LMNB1: variants seen among roughly 807,000 people sequenced by gnomAD.
LMNB1 encodes lamin B1, also known as lamin-B1.
A neutral mutation model predicts 67.1 loss-of-function variants in LMNB1; 23 were observed. The ratio of observed to expected loss-of-function variants is 0.34; its 90% confidence interval spans 0.25 to 0.49. LMNB1 has a LOEUF of 0.49. Ranked by LOEUF, LMNB1 falls within the 20% of genes least tolerant of loss-of-function variation. LMNB1 has a pLI of 0.99. For synonymous variants in LMNB1, 281 were observed against 282.9 expected, an observed-to-expected ratio of 0.99 and a Z score of 0.07; for missense variants, 634 against 746.5, an observed-to-expected ratio of 0.85 and a Z score of 1.76.
At chr5:126,795,680 A>G (rs964025306) in intron 1 of LMNB1, among the ~76,000 whole-genome samples, 2 of 152,026 alleles carry the variant, frequency 1.3e-5, no homozygotes, top group African/African-American at 4.8e-5. Context: ...CTGGAGTGCA[A>G]TGGTGCAATC....
At chr5:126,795,130 C>CTTTTTTTTTTT (rs55837872) in intron 1 of LMNB1, among the ~76,000 whole-genome samples, 5 of 128,942 alleles carry the variant, frequency 3.9e-5, no homozygotes, top group Non-Finnish European at 7.9e-5. Context: ...ATTCCTTTTC[C>CTTTTTTTTTTT]TTTTTTTTTT....
chr5:126,794,357 A>T (rs13176752), intron 1 of LMNB1, among the ~76,000 whole-genome samples: 4,078 of 152,326 alleles, frequency 0.027, 92 homozygotes, highest in Admixed American at 0.043. Flanking sequence ...GTTGAAGCTG[A>T]TGAGTGGCTG....
At chr5:126,828,968 T>G (rs1004526972) in intron 9 of LMNB1, among the ~76,000 whole-genome samples, 8 of 152,158 alleles carry the variant, frequency 5.3e-5, no homozygotes, top group African/African-American at 1.9e-4. Flanking sequence ...AATACAGGTC[T>G]TATTTCACTA....
At chr5:126,790,885 G>T (rs986690959) in intron 1 of LMNB1, among the ~76,000 whole-genome samples, 2 of 151,946 alleles carry the variant, frequency 1.3e-5, no homozygotes, top group Non-Finnish European at 2.9e-5. Context: ...AGCCGGTGTG[G>T]TGGTGGGTGC....
intron 1 of LMNB1, among the ~76,000 whole-genome samples, chr5:126,797,862 G>A (rs1751143480): frequency 6.6e-6 from 1 of 151,946 alleles, no homozygotes; most frequent in African/African-American, 2.4e-5. Flanking sequence ...GGTCACTTGA[G>A]CCCAGGAGTT....
chr5:126,778,278 G>A (rs1024408791), intron 1 of LMNB1, among the ~76,000 whole-genome samples: 1 of 152,094 alleles, frequency 6.6e-6, no homozygotes, highest in Non-Finnish European at 1.5e-5. Context: ...TCCGGCCGGC[G>A]CGAGACAAAG....
At chr5:126,833,079 A>G (rs984021821) in intron 10 of LMNB1, among the ~76,000 whole-genome samples, 3 of 152,206 alleles carry the variant, frequency 2.0e-5, no homozygotes, top group Non-Finnish European at 4.4e-5. Flanking sequence ...AAACATGTCT[A>G]TGGATTGGAT....
At chr5:126,802,548 A>G (rs908162746) in intron 1 of LMNB1, among the ~76,000 whole-genome samples, 7 of 152,094 alleles carry the variant, frequency 4.6e-5, no homozygotes, top group Non-Finnish European at 8.8e-5. Flanking sequence ...GGTTCAGGCA[A>G]TTCTCCTGCC....
intron 1 of LMNB1, among the ~76,000 whole-genome samples, chr5:126,787,273 G>C (rs569233754): frequency 6.6e-6 from 1 of 151,900 alleles, no homozygotes; most frequent in African/African-American, 2.4e-5. Context: ...GCTAGGAGCC[G>C]TGTGAAATTT....
chr5:126,806,603 A>C (rs1423648061), intron 3 of LMNB1, among the ~76,000 whole-genome samples: 1 of 148,956 alleles, frequency 6.7e-6, no homozygotes. Flanking sequence ...GTGATGAGAA[A>C]GAGAGAGAGA....
intron 1 of LMNB1, among the ~76,000 whole-genome samples, chr5:126,787,479 ACT>A (rs371564161): frequency 6.1e-4 from 88 of 143,574 alleles, no homozygotes; most frequent in Admixed American, 7.2e-4. Context: ...TGTATATGTT[ACT>A]TATATATGAA....
At chr5:126,823,804 G>A (rs1267072269) in intron 8 of LMNB1, among the ~76,000 whole-genome samples, 1 of 152,102 alleles carries the variant, frequency 6.6e-6, no homozygotes, top group South Asian at 2.1e-4. Flanking sequence ...GGGTAAAAAT[G>A]GGATCAACTA....
In LMNB1 at chr5:126,821,496, G is replaced by A. The variant is rs192698012; in HGVS notation, c.1386+361G>A. ...GGATGAAAATGGTGGATATTCTTTC[G>A]GTCATTAACTTAATAAAAAGCTTAC... On this transcript the variant is annotated intron_variant, in intron 7 of 10. Transcript: ENST00000261366. 1.3e-3 allele frequency among the ~76,000 whole-genome samples: 200 copies of A among 152,174 alleles called. 1 individual carries two copies. In the Middle Eastern group the frequency reaches 0.034, roughly 26 times the overall value.
chr5:126,786,516 A>G (rs114529144), intron 1 of LMNB1, among the ~76,000 whole-genome samples: 75 of 152,312 alleles, frequency 4.9e-4, no homozygotes, highest in African/African-American at 1.8e-3. Context: ...CTTAGCAAGT[A>G]ATGAAAGCTA....
At chr5:126,804,457 A>G (rs935244788) in intron 1 of LMNB1, among the ~76,000 whole-genome samples, 4 of 152,106 alleles carry the variant, frequency 2.6e-5, no homozygotes, top group Non-Finnish European at 5.9e-5. Context: ...CATTTCTTCA[A>G]AAATATCCTG....
intron 1 of LMNB1, among the ~76,000 whole-genome samples, chr5:126,790,355 C>T (rs551399065): frequency 1.3e-5 from 2 of 152,206 alleles, no homozygotes; most frequent in East Asian, 3.9e-4. Flanking sequence ...ATCTGCCTGC[C>T]TCGGCCTCCC....
rs1751551895 is a variant in LMNB1 at position 126,810,319 on chromosome 5, A to G, written c.782A>G (p.Lys261Arg). The change falls in exon 4 of 11, where the codon AAG becomes AGG. Residue 261 changes from lysine (K) to arginine (R), a missense_variant. Lys to Arg is a conservative substitution (Grantham distance 26). Transcript: ENST00000261366. ...CATGATGCCCAAGTGAGGCTGTATAAGGAGGAGCTGGAGCAGACTTACCAT... is the reference window on the plus strand; with the variant it reads ...CATGATGCCCAAGTGAGGCTGTATAGGGAGGAGCTGGAGCAGACTTACCAT... ...EQHDAQVRLY[K>R]EELEQTYHAK... The G allele has an allele frequency of 6.2e-7, 1 of 1,611,984 alleles. No individual in the cohort carries two copies. The highest frequency in any genetic ancestry group is 2.2e-5 in the East Asian group (1 of 44,824).
Position 126,811,826 on chromosome 5 carries a change from C to T in LMNB1, c.867C>T (p.Ala289=), listed in dbSNP as rs779807949. 8.7e-5 allele frequency: 141 copies of T among 1,612,462 alleles called. No homozygotes were observed. Among genetic ancestry groups the T allele is most frequent in the Non-Finnish European group, 1.1e-4 (134 of 1,178,726 alleles). The stretch of plus-strand genomic sequence containing the variant: ...TGAATACTTCTACTGTCAACAGTGC[C>T]AGGGAAGAACTGATGGAAAGCCGCA... ...SEMNTSTVNS[A]REELMESRMR... Residue 289 remains alanine, a synonymous_variant, in exon 5 of 11, where the codon GCC becomes GCT. Coordinates refer to ENST00000261366, the MANE Select transcript of LMNB1 (RefSeq NM_005573.4).
chr5:126,780,408 A>G (rs1289254107), intron 1 of LMNB1, among the ~76,000 whole-genome samples: 3 of 152,226 alleles, frequency 2.0e-5, no homozygotes, highest in Non-Finnish European at 4.4e-5. Flanking sequence ...AGTTAGCCAC[A>G]GGAGGTTTTT....
Sources: gnomAD v4.1 joint callset for allele counts (sites outside exome capture counted in the v4.1 genomes callset) on GRCh38, gnomAD v4.1.1 for gene constraint, MANE v1.5 for transcripts, NCBI Gene and HGNC (gene_info 2026-07-23, HGNC 2026-07-21) for gene names.